The following CAMK1D variants were observed in gnomAD, a reference collection of about 807,000 sequenced individuals.
CAMK1D encodes calcium/calmodulin dependent protein kinase ID.
A neutral mutation model predicts 47.7 loss-of-function variants in CAMK1D; 9 were observed. The observed-to-expected ratio is 0.19, with a 90% CI of 0.11 to 0.33. The LOEUF is 0.33. Among genes scored for constraint, CAMK1D ranks in the 10% least tolerant of loss-of-function variants. The pLI, the probability that CAMK1D is intolerant of heterozygous loss-of-function variation, is 1.00. For synonymous variants in CAMK1D, 184 were observed against 184.9 expected, an observed-to-expected ratio of 0.99 and a Z score of 0.04; for missense variants, 291 against 488.7, an observed-to-expected ratio of 0.60 and a Z score of 3.81.
intron 1 of CAMK1D, among the ~76,000 whole-genome samples, chr10:12,381,927 G>C (rs1838358938): frequency 1.3e-5 from 2 of 150,552 alleles, no homozygotes; most frequent in South Asian, 4.2e-4. Flanking sequence ...CGTTTTAAAA[G>C]AAAAAAAAAC....
intron 3 of CAMK1D, among the ~76,000 whole-genome samples, chr10:12,670,809 A>G (rs1387287893): frequency 6.6e-6 from 1 of 152,190 alleles, no homozygotes; most frequent in East Asian, 1.9e-4. Flanking sequence ...TCAGCTTCCC[A>G]AAGTGCTGGG....
intron 3 of CAMK1D, among the ~76,000 whole-genome samples, chr10:12,684,611 T>TA (rs2132619989): frequency 6.6e-6 from 1 of 152,342 alleles, no homozygotes; most frequent in Admixed American, 6.5e-5. Flanking sequence ...CACTTATTTT[T>TA]AAAAAATCAC....
Position 12,834,763 on chromosome 10 carries a change from CCA to C in CAMK1D, c.*5877_*5878del, listed in dbSNP as rs1018704590. ...AGACTTCAGCAGGGGCTCAGAAACC[CCA>C]AACTCTAGTTAAATTGCTTCTCGGA... On this transcript the variant is annotated 3_prime_UTR_variant, in exon 11 of 11. Coordinates refer to ENST00000619168, the MANE Select transcript of CAMK1D (RefSeq NM_153498.4). 6.6e-6 allele frequency: 1 copy of C among 151,936 alleles called. No homozygotes were observed. Among genetic ancestry groups the C allele is most frequent in the Non-Finnish European group, 1.5e-5 (1 of 67,996 alleles). 9.4% of individuals were successfully genotyped at this position (151,936 alleles called of 1,614,324 possible).
chr10:12,446,968 C>G (rs765328479), intron 1 of CAMK1D, among the ~76,000 whole-genome samples: 2 of 152,142 alleles, frequency 1.3e-5, no homozygotes, highest in Admixed American at 1.3e-4. Context: ...GGGAGTGTCC[C>G]AACTGGCAGC....
At chr10:12,736,320 G>T (rs1835184401) in intron 3 of CAMK1D, among the ~76,000 whole-genome samples, 1 of 152,154 alleles carries the variant, frequency 6.6e-6, no homozygotes, top group Non-Finnish European at 1.5e-5. Context: ...AGTGGTATAA[G>T]AGCAACATGT....
intron 2 of CAMK1D, among the ~76,000 whole-genome samples, chr10:12,633,746 G>A (rs1165737843): frequency 5.3e-5 from 8 of 151,702 alleles, no homozygotes; most frequent in Admixed American, 5.3e-4. Flanking sequence ...TGGTGGAGAT[G>A]GGGTCTCTCT....
chr10:12,734,728 C>G (rs1835103914), intron 3 of CAMK1D, among the ~76,000 whole-genome samples: 1 of 151,950 alleles, frequency 6.6e-6, no homozygotes. Context: ...TACTCCTCAT[C>G]TTAGATTTAA....
intron 1 of CAMK1D, among the ~76,000 whole-genome samples, chr10:12,425,140 A>T (rs533046935): frequency 7.4e-4 from 112 of 152,152 alleles, no homozygotes; most frequent in African/African-American, 2.6e-3. Context: ...ATCTGCATGG[A>T]GTCTGACCCA....
chr10:12,720,681 A>T (rs1293919138), intron 3 of CAMK1D, among the ~76,000 whole-genome samples: 2 of 152,144 alleles, frequency 1.3e-5, no homozygotes, highest in African/African-American at 4.8e-5. Context: ...GAGCCCTTCA[A>T]CCCTTTTTTG....
intron 3 of CAMK1D, among the ~76,000 whole-genome samples, chr10:12,751,504 G>A (rs1835984487): frequency 1.3e-5 from 2 of 152,312 alleles, no homozygotes; most frequent in Non-Finnish European, 1.5e-5. Flanking sequence ...CGGTAAATGA[G>A]GCAGGCATTG....
At chr10:12,598,988 G>T (rs1041318629) in intron 2 of CAMK1D, among the ~76,000 whole-genome samples, 1 of 152,176 alleles carries the variant, frequency 6.6e-6, no homozygotes, top group African/African-American at 2.4e-5. Flanking sequence ...CAATTTCTGA[G>T]TAATGATGCA....
At chr10:12,425,373 C>G (rs139172337) in intron 1 of CAMK1D, among the ~76,000 whole-genome samples, 1 of 151,270 alleles carries the variant, frequency 6.6e-6, no homozygotes, top group African/African-American at 2.4e-5. Flanking sequence ...CTTCTGGCGT[C>G]TAGGTTCCAG....
intron 6 of CAMK1D, among the ~76,000 whole-genome samples, chr10:12,810,379 A>G (rs1273059542): frequency 2.6e-5 from 4 of 151,230 alleles, no homozygotes; most frequent in Non-Finnish European, 5.9e-5. Context: ...GGTTCAAGCA[A>G]TTCTCCTGCC....
chr10:12,383,660 A>G (rs2131877257), intron 1 of CAMK1D, among the ~76,000 whole-genome samples: 1 of 152,354 alleles, frequency 6.6e-6, no homozygotes, highest in African/African-American at 2.4e-5. Flanking sequence ...TTGGGAAATA[A>G]GCATACTTAG....
intron 3 of CAMK1D, among the ~76,000 whole-genome samples, chr10:12,694,987 CGTT>C (rs1554811934): frequency 6.6e-6 from 1 of 151,802 alleles, no homozygotes; most frequent in Non-Finnish European, 1.5e-5. Flanking sequence ...AATAAATCCT[CGTT>C]GGAGTGGACC....
chr10:12,808,274 A>T (rs375009015), intron 6 of CAMK1D, among the ~76,000 whole-genome samples: 10 of 152,326 alleles, frequency 6.6e-5, no homozygotes, highest in African/African-American at 2.4e-4. Context: ...TGTCATTATT[A>T]TCTCTTTATG....
intron 6 of CAMK1D, among the ~76,000 whole-genome samples, chr10:12,803,657 AAAT>A (rs374759038): frequency 5.9e-5 from 9 of 151,852 alleles, no homozygotes; most frequent in African/African-American, 1.2e-4. Flanking sequence ...TCCATCTCAA[AAAT>A]AATAATAATA....
intron 1 of CAMK1D, among the ~76,000 whole-genome samples, chr10:12,474,327 TAGC>T (rs775779661): frequency 2.6e-5 from 4 of 151,310 alleles, no homozygotes; most frequent in Non-Finnish European, 1.5e-5. Context: ...ACCTCCTGAG[TAGC>T]TGAGGAGCCC....
At chr10:12,362,178 C>G (rs540301290) in intron 1 of CAMK1D, among the ~76,000 whole-genome samples, 35 of 152,308 alleles carry the variant, frequency 2.3e-4, no homozygotes, top group African/African-American at 8.4e-4. Flanking sequence ...ACCATCGCCA[C>G]CATCCATCTC....
Sources: gnomAD v4.1 joint callset for allele counts (sites outside exome capture counted in the v4.1 genomes callset) on GRCh38, gnomAD v4.1.1 for gene constraint, MANE v1.5 for transcripts, NCBI Gene and HGNC (gene_info 2026-07-23, HGNC 2026-07-21) for gene names.